Variants in CLIC5 observed in about 807,000 individuals in gnomAD.
CLIC5 encodes chloride intracellular channel protein 5.
CLIC5 carries 20 observed loss-of-function variants against 24.7 expected under a neutral mutation model. The ratio of observed to expected loss-of-function variants is 0.81; its 90% CI spans 0.57 to 1.18. CLIC5 has a LOEUF of 1.18. Among genes scored for constraint, CLIC5 ranks in the 50% most tolerant of loss-of-function variants. The probability of loss-of-function intolerance (pLI) is 0.00; values close to 1 mark genes in which losing one functional copy is unlikely to be tolerated. For synonymous variants in CLIC5, 159 were observed against 135.6 expected (o/e 1.17, Z -1.20); for missense variants, 341 against 326.1 (o/e 1.05, Z -0.35).
intron 2 of CLIC5, among the ~76,000 whole-genome samples, chr6:45,950,398 C>CA (rs34422403): frequency 0.075 from 9,144 of 122,084 alleles, 398 homozygotes; most frequent in South Asian, 0.16. Flanking sequence ...CCCATCTTTA[C>CA]AAAAAAAAAA....
chr6:45,990,548 G>T (rs766845632), intron 1 of CLIC5, among the ~76,000 whole-genome samples: 4 of 152,172 alleles, frequency 2.6e-5, no homozygotes, highest in African/African-American at 9.7e-5. Flanking sequence ...CCTGCCTGCA[G>T]GTGAGTTACC....
the CLIC5 span, among the ~76,000 whole-genome samples, chr6:46,101,680 C>A: frequency 6.6e-6 from 1 of 152,186 alleles, no homozygotes; most frequent in Non-Finnish European, 1.5e-5. Context: ...AGAGAACTTA[C>A]TTTTGGCTTG....
rs533149134 is a variant in CLIC5, at chr6:46,044,948, C to A, written c.540+34755G>T. Reference sequence around the variant, plus strand: ...GGAGATTCATCTCCTGTGTTTGAGGCCTTCATTCTTGAGCACTCAGCTCCT... The same window carrying A: ...GGAGATTCATCTCCTGTGTTTGAGGACTTCATTCTTGAGCACTCAGCTCCT... On this transcript the variant is annotated intron_variant, in intron 1 of 5. Transcript: ENST00000185206. 4.0e-4 allele frequency among the ~76,000 whole-genome samples: 61 copies of A among 152,152 alleles called. 1 individual carries two copies. Among genetic ancestry groups the A allele is most frequent in the African/African-American group, 1.4e-3 (59 of 41,512 alleles).
At chr6:45,995,051 G>GT (rs891895074) in intron 1 of CLIC5, among the ~76,000 whole-genome samples, 11 of 151,918 alleles carry the variant, frequency 7.2e-5, no homozygotes, top group Non-Finnish European at 1.0e-4. Context: ...AGAAAGAAAT[G>GT]TTTTTTTTAA....
the CLIC5 span, among the ~76,000 whole-genome samples, chr6:46,128,127 G>A: frequency 3.6e-4 from 55 of 152,236 alleles, no homozygotes; most frequent in African/African-American, 1.3e-3. Context: ...AATATATAGA[G>A]GATAACAAAA....
At chr6:46,050,489 T>C (rs574169589) in intron 1 of CLIC5, among the ~76,000 whole-genome samples, 11 of 152,342 alleles carry the variant, frequency 7.2e-5, no homozygotes, top group Admixed American at 2.0e-4. Context: ...TGGGAGACAG[T>C]GCTTGCTAGT....
chr6:45,913,675 T>G, intron 5 of CLIC5: 2 of 697,734 alleles, frequency 2.9e-6, no homozygotes, highest in Non-Finnish European at 4.0e-6. Flanking sequence ...TGACACTACA[T>G]GCTGCAAATG....
intron 1 of CLIC5, among the ~76,000 whole-genome samples, chr6:46,056,375 A>T (rs968115325): frequency 6.6e-6 from 1 of 152,182 alleles, no homozygotes; most frequent in African/African-American, 2.4e-5. Context: ...CTCCTTGCAG[A>T]GGCAGCCCTG....
chr6:45,911,160 C>T (rs1390433889), intron 5 of CLIC5, among the ~76,000 whole-genome samples: 4 of 152,176 alleles, frequency 2.6e-5, no homozygotes, highest in African/African-American at 9.7e-5. Context: ...TTTGTTCCTC[C>T]TGCCCTAGGA....
intron 1 of CLIC5, among the ~76,000 whole-genome samples, chr6:45,976,160 G>A (rs970279645): frequency 1.3e-5 from 2 of 152,294 alleles, no homozygotes; most frequent in African/African-American, 4.8e-5. Context: ...GTCACCTATG[G>A]AGAGATGAAG....
Position 45,903,067 on chromosome 6 carries a change from G to A in CLIC5, c.*21C>T. The A allele has an allele frequency of 4.3e-6, 7 of 1,613,842 alleles. No homozygotes were observed. Among genetic ancestry groups the A allele is most frequent in the Non-Finnish European group, 5.1e-6 (6 of 1,179,906 alleles). ...AGTGGTTGAGTCCTTCTGCAGCGGGGATGGGGCAAAATGGCTGTGCTCAGG... is the reference window on the plus strand; with the variant it reads ...AGTGGTTGAGTCCTTCTGCAGCGGGAATGGGGCAAAATGGCTGTGCTCAGG... On this transcript the variant is annotated 3_prime_UTR_variant, in exon 6 of 6. Transcript: ENST00000339561.
At chr6:46,047,169 T>C (rs927709022) in intron 1 of CLIC5, among the ~76,000 whole-genome samples, 4 of 152,252 alleles carry the variant, frequency 2.6e-5, no homozygotes, top group African/African-American at 9.6e-5. Context: ...GTATTAGAGT[T>C]GCCATGGGCA....
intron 1 of CLIC5, among the ~76,000 whole-genome samples, chr6:45,959,511 T>C (rs1764777479): frequency 6.6e-6 from 1 of 151,918 alleles, no homozygotes; most frequent in Admixed American, 6.6e-5. Flanking sequence ...TTGGGGTATA[T>C]GGGGCTTTTG....
chr6:46,000,607 C>T lies in CLIC5; in HGVS notation c.63+14873G>A, dbSNP rs376354900. Among the ~76,000 whole-genome samples, 5 of 152,124 alleles carry T rather than the reference C, an allele frequency of 3.3e-5. No homozygotes were observed. The East Asian group carries it at 7.7e-4, about 23-fold the overall frequency. ...AAGAGGTTTAATTGACTCACGGTTC[C>T]GCAGGGCTGGGGAGACCTCAGGAAA... is the stretch of plus-strand genomic sequence containing the variant. On this transcript the variant is annotated intron_variant, in intron 1 of 5. Transcript: ENST00000339561.
chr6:45,997,529 A>C (rs955152092), intron 1 of CLIC5, among the ~76,000 whole-genome samples: 4 of 151,196 alleles, frequency 2.6e-5, no homozygotes, highest in Non-Finnish European at 5.9e-5. Context: ...AAAAAAAAAG[A>C]AAGCCAGTTC....
chr6:46,017,432 G>A (rs1767050678), upstream of CLIC5, among the ~76,000 whole-genome samples: 1 of 152,126 alleles, frequency 6.6e-6, no homozygotes, highest in African/African-American at 2.4e-5. Flanking sequence ...TTACAAGTGG[G>A]GAAACTGAGA....
intron 5 of CLIC5, among the ~76,000 whole-genome samples, chr6:45,909,848 G>T (rs1762768046): frequency 6.6e-6 from 1 of 152,124 alleles, no homozygotes; most frequent in African/African-American, 2.4e-5. Flanking sequence ...TTTTCAGAGA[G>T]GGCCCTAGAC....
At chr6:46,118,380 A>G in the CLIC5 span, among the ~76,000 whole-genome samples, 1 of 152,196 alleles carries the variant, frequency 6.6e-6, no homozygotes, top group Non-Finnish European at 1.5e-5. Flanking sequence ...CCATTTAGGT[A>G]GGGTGATGAC....
chr6:45,986,145 A>T (rs1417607069), intron 1 of CLIC5, among the ~76,000 whole-genome samples: 2 of 152,076 alleles, frequency 1.3e-5, no homozygotes, highest in Non-Finnish European at 2.9e-5. Context: ...TTCCTTTATA[A>T]ATTACTCAGT....
Sources: allele counts gnomAD v4.1 joint callset (sites outside exome capture counted in the v4.1 genomes callset), GRCh38; gene constraint gnomAD v4.1.1; transcripts MANE v1.5; gene names NCBI Gene and HGNC (gene_info 2026-07-23, HGNC 2026-07-21).